DESI2: variants seen among roughly 807,000 people sequenced by gnomAD.
DESI2 encodes deubiquitinase DESI2.
DESI2 carries 10 observed loss-of-function variants against 24.1 expected under a neutral mutation model. That is an observed-to-expected ratio of 0.41 (90% CI 0.26 to 0.70). The LOEUF is 0.70. Ranked by LOEUF, DESI2 falls within the 30% of genes least tolerant of loss-of-function variation. The probability of loss-of-function intolerance (pLI) is 0.29; values close to 1 mark genes in which losing one functional copy is unlikely to be tolerated. For synonymous variants in DESI2, 71 were observed against 87.7 expected (o/e 0.81, Z 1.06); for missense variants, 122 against 234.9 (o/e 0.52, Z 3.14).
chr1:244,703,370 T>C (rs1677555120), intron 4 of DESI2, among the ~76,000 whole-genome samples: 9 of 152,044 alleles, frequency 5.9e-5, no homozygotes, highest in Admixed American at 5.9e-4. Flanking sequence ...TTTGTTTTGT[T>C]TTTGAGATGG....
At chr1:244,698,642 C>T (rs139817556) in intron 4 of DESI2, among the ~76,000 whole-genome samples, 172 of 152,342 alleles carry the variant, frequency 1.1e-3, no homozygotes, top group African/African-American at 3.9e-3. Flanking sequence ...TTGCCTCCTA[C>T]ACACTATTTC....
At chr1:244,704,928 T>C (rs557656882) in intron 4 of DESI2, among the ~76,000 whole-genome samples, 1 of 152,118 alleles carries the variant, frequency 6.6e-6, no homozygotes, top group East Asian at 1.9e-4. Context: ...AAAGTGCTGG[T>C]ATTACAGGTG....
rs756708307 is a variant in DESI2, at chr1:244,705,816, C to T, written c.*27C>T. 4 of 1,517,330 alleles carry T rather than the reference C, an allele frequency of 2.6e-6. No individual in the cohort carries two copies. The highest frequency in any genetic ancestry group is 3.6e-6 in the Non-Finnish European group (4 of 1,105,822). The allele number at this position is 1,517,330 out of a possible 1,614,324, so 94.0% of individuals were successfully genotyped here. On this transcript the variant is annotated 3_prime_UTR_variant, in exon 5 of 5. Transcript: ENST00000302550. ...TGTCTCCAAAGTCACACATTCAGAA[C>T]TGTCTCTGGCAGTCGAATATCACTA...
At chr1:244,694,540 C>G (rs894500470) in intron 4 of DESI2, 4 of 779,446 alleles carry the variant, frequency 5.1e-6, no homozygotes, top group African/African-American at 5.1e-5. Flanking sequence ...CTCATTCGAC[C>G]AGTCCCAGTG....
intron 1 of DESI2, among the ~76,000 whole-genome samples, chr1:244,677,244 G>A (rs1388171497): frequency 6.6e-6 from 1 of 152,098 alleles, no homozygotes; most frequent in Non-Finnish European, 1.5e-5. Flanking sequence ...TCTCATTAGA[G>A]GTTATTTAGA....
At chr1:244,697,384 C>A (rs1677259218) in intron 4 of DESI2, among the ~76,000 whole-genome samples, 1 of 151,326 alleles carries the variant, frequency 6.6e-6, no homozygotes, top group Non-Finnish European at 1.5e-5. Context: ...TGGCACACAC[C>A]TGTAATCCCA....
At chr1:244,677,075 T>C (rs1408481713) in intron 1 of DESI2, among the ~76,000 whole-genome samples, 3 of 152,080 alleles carry the variant, frequency 2.0e-5, no homozygotes, top group Non-Finnish European at 4.4e-5. Context: ...TCTGGCCTCA[T>C]AGAATGAGTT....
At chr1:244,678,193 A>G (rs1291991671) in intron 1 of DESI2, among the ~76,000 whole-genome samples, 1 of 152,212 alleles carries the variant, frequency 6.6e-6, no homozygotes, top group Admixed American at 6.5e-5. Context: ...GCCACATCTC[A>G]TTATAGTGAA....
intron 1 of DESI2, among the ~76,000 whole-genome samples, chr1:244,657,124 G>A (rs1401369791): frequency 6.6e-6 from 1 of 152,176 alleles, no homozygotes; most frequent in African/African-American, 2.4e-5. Flanking sequence ...AGTCTTTAAA[G>A]AATAGAAAAG....
intron 1 of DESI2, among the ~76,000 whole-genome samples, chr1:244,682,452 G>A (rs1039876272): frequency 1.4e-4 from 22 of 152,048 alleles, no homozygotes; most frequent in African/African-American, 4.3e-4. Context: ...CATTTACATC[G>A]TTCAAATGTC....
intron 4 of DESI2, among the ~76,000 whole-genome samples, chr1:244,704,720 G>A (rs1361557107): frequency 2.6e-5 from 4 of 152,130 alleles, no homozygotes; most frequent in Admixed American, 1.3e-4. Flanking sequence ...GTGCAGTGGC[G>A]TGATGTCAGC....
Position 244,666,420 on chromosome 1 carries a change from C to T in DESI2, c.42+13065C>T, listed in dbSNP as rs530378082. On this transcript the variant is annotated intron_variant, in intron 1 of 4. Coordinates refer to ENST00000302550, the MANE Select transcript of DESI2 (RefSeq NM_016076.5). ...TTTTTTTTTACTTTCTACTCTATCACTCCAATCAGTGAATGAATATGCTAT... is the reference window on the plus strand; with the variant it reads ...TTTTTTTTTACTTTCTACTCTATCATTCCAATCAGTGAATGAATATGCTAT... Among the ~76,000 whole-genome samples the T allele has an allele frequency of 5.9e-5, 9 of 152,292 alleles. No homozygotes were observed. The South Asian group carries it at 1.7e-3, about 28-fold the overall frequency.
intron 1 of DESI2, among the ~76,000 whole-genome samples, chr1:244,673,196 A>G (rs991593042): frequency 6.6e-6 from 1 of 152,202 alleles, no homozygotes; most frequent in Non-Finnish European, 1.5e-5. Context: ...TGAGCCTTCC[A>G]GGCGTGTTCT....
At chr1:244,668,794 A>G (rs925188792) in intron 1 of DESI2, among the ~76,000 whole-genome samples, 12 of 152,226 alleles carry the variant, frequency 7.9e-5, no homozygotes, top group African/African-American at 2.2e-4. Context: ...AGCACAATCA[A>G]TTCGTTTCTG....
chr1:244,655,176 C>T (rs748717553), intron 1 of DESI2, among the ~76,000 whole-genome samples: 5 of 152,120 alleles, frequency 3.3e-5, no homozygotes, highest in Admixed American at 6.5e-5. Context: ...GACTAATGAG[C>T]GAGATCTTAT....
Position 244,705,993 on chromosome 1 carries a change from CTG to C in DESI2, c.*206_*207del, listed in dbSNP as rs758422609. On this transcript the variant is annotated 3_prime_UTR_variant, in exon 5 of 5. Coordinates refer to ENST00000302550, the MANE Select transcript of DESI2 (RefSeq NM_016076.5). ...GGAGAACTTTGTAAGAAGCTGCCCT[CTG>C]TTTTTTTTATCCACTCGTAAATCTG... 47 of 556,118 alleles carry C rather than the reference CTG, an allele frequency of 8.5e-5. No homozygotes were observed. The highest frequency in any genetic ancestry group is 4.2e-4 in the African/African-American group (22 of 52,284). The allele number at this position is 556,118 out of a possible 1,614,324, so 34.4% of individuals were successfully genotyped here.
At position 244,683,380 on chromosome 1, in the gene DESI2, C is replaced by T. The variant is rs550053825; in HGVS notation, c.43-3217C>T. On this transcript the variant is annotated intron_variant, in intron 1 of 4. Transcript: ENST00000302550. ...AGGCTGGAGTGCAGTGGCGTGATCT[C>T]GGCTCACTGCAAGCTCCGCCTCCCA... Among the ~76,000 whole-genome samples the T allele has an allele frequency of 1.7e-4, 26 of 150,918 alleles. No individual in the cohort carries two copies. The South Asian group carries it at 4.6e-3, about 27-fold the overall frequency.
intron 1 of DESI2, among the ~76,000 whole-genome samples, chr1:244,682,762 C>T (rs907356226): frequency 6.0e-5 from 9 of 150,852 alleles, no homozygotes; most frequent in South Asian, 2.1e-4. Context: ...CAAAGACAGG[C>T]GGGGGGCCAG....
intron 1 of DESI2, among the ~76,000 whole-genome samples, chr1:244,672,233 C>G (rs1676271714): frequency 6.6e-6 from 1 of 152,104 alleles, no homozygotes; most frequent in African/African-American, 2.4e-5. Flanking sequence ...GCAGATCGCT[C>G]ATGAATGACT....
Sources: allele counts gnomAD v4.1 joint callset (sites outside exome capture counted in the v4.1 genomes callset), GRCh38; gene constraint gnomAD v4.1.1; transcripts MANE v1.5; gene names NCBI Gene and HGNC (gene_info 2026-07-23, HGNC 2026-07-21).